Variants in GUCY1A2 observed in about 807,000 individuals in gnomAD.
GUCY1A2 encodes the protein guanylate cyclase 1 soluble subunit alpha 2, also known as guanylate cyclase soluble subunit alpha-2.
Under a neutral mutation model 63.5 loss-of-function variants are expected in GUCY1A2, and 27 were observed. The ratio of observed to expected loss-of-function variants is 0.43; its 90% CI spans 0.31 to 0.59. GUCY1A2 has a LOEUF of 0.59. Ranked by LOEUF, GUCY1A2 falls within the 20% of genes least tolerant of loss-of-function variation. The pLI, the probability that GUCY1A2 is intolerant of heterozygous loss-of-function variation, is 0.11. For missense variants in GUCY1A2, 768 were observed against 913.3 expected, an observed-to-expected ratio of 0.84 and a Z score of 2.05; for synonymous variants, 364 against 343.5, an observed-to-expected ratio of 1.06 and a Z score of -0.66.
At chr11:106,743,830 A>G (rs1371810640) in intron 6 of GUCY1A2, among the ~76,000 whole-genome samples, 1 of 152,208 alleles carries the variant, frequency 6.6e-6, no homozygotes, top group Non-Finnish European at 1.5e-5. Context: ...TTTTATGTAT[A>G]AAGTGGCACT....
At chr11:106,861,016 T>A (rs1859504388) in intron 4 of GUCY1A2, among the ~76,000 whole-genome samples, 1 of 151,878 alleles carries the variant, frequency 6.6e-6, no homozygotes, top group Non-Finnish European at 1.5e-5. Context: ...AGAAGATTAT[T>A]TGCTTATGAA....
In GUCY1A2 at chr11:106,676,005, T is replaced by C. The variant is rs774612342; in HGVS notation, c.*11544A>G. ...CCAAAATTCAAGGGTATTTAACTCA[T>C]TGAAGCATATCTTTCCACAGAGGAA... is the stretch of plus-strand genomic sequence containing the variant. On this transcript the variant is annotated 3_prime_UTR_variant, in exon 8 of 8. Transcript: ENST00000526355. The C allele has an allele frequency of 1.2e-4, 23 of 189,364 alleles. No homozygotes were observed. The highest frequency in any genetic ancestry group is 9.8e-4 in the South Asian group (5 of 5,128). The allele number at this position is 189,364 out of a possible 1,614,324, so 11.7% of individuals were successfully genotyped here.
intron 4 of GUCY1A2, among the ~76,000 whole-genome samples, chr11:106,834,092 T>C (rs1258591857): frequency 6.6e-6 from 1 of 151,996 alleles, no homozygotes; most frequent in African/African-American, 2.4e-5. Context: ...AGATCTACTT[T>C]CTTAGCCTAT....
intron 4 of GUCY1A2, among the ~76,000 whole-genome samples, chr11:106,847,972 A>T (rs888320092): frequency 2.0e-5 from 3 of 151,640 alleles, no homozygotes; most frequent in African/African-American, 4.8e-5. Flanking sequence ...CTGCAATAAG[A>T]GTGCAAAACA....
In GUCY1A2 at chr11:106,764,869, T is replaced by C. The variant is rs548967585; in HGVS notation, c.1836+11570A>G. ...TCTGGATTCAAATTTAGTTCTGCAA[T>C]TGGCTAGCTACATAACCTTGATCAA... is the stretch of plus-strand genomic sequence containing the variant. On this transcript the variant is annotated intron_variant, in intron 6 of 7. Transcript: ENST00000526355. Among the ~76,000 whole-genome samples, 33 of 151,648 alleles carry C rather than the reference T, an allele frequency of 2.2e-4. 1 individual carries two copies. Among genetic ancestry groups the C allele is most frequent in the South Asian group, 6.3e-4 (3 of 4,796 alleles).
At chr11:106,850,750 C>T (rs925338008) in intron 4 of GUCY1A2, among the ~76,000 whole-genome samples, 7 of 151,822 alleles carry the variant, frequency 4.6e-5, no homozygotes, top group African/African-American at 1.7e-4. Flanking sequence ...CATTGATTGA[C>T]ATTTAGGTTG....
chr11:106,687,772 A>G lies in GUCY1A2; in HGVS notation c.1992-16T>C, dbSNP rs1429021476. On this transcript the variant is annotated splice_polypyrimidine_tract_variant and intron_variant, in intron 7 of 7. Transcript: ENST00000526355. ...TTTTAATAATCTAAGAAGAAAATAC[A>G]GAGCACATGAATCAAGTAGGCCAGG... The G allele has an allele frequency of 6.5e-7, 1 of 1,535,968 alleles. No individual in the cohort carries two copies. Among genetic ancestry groups the G allele is most frequent in the Admixed American group, 1.7e-5 (1 of 59,868 alleles).
At chr11:106,938,917 T>C (rs1440317479) in intron 4 of GUCY1A2, among the ~76,000 whole-genome samples, 4 of 152,214 alleles carry the variant, frequency 2.6e-5, no homozygotes, top group Non-Finnish European at 4.4e-5. Flanking sequence ...ATCTCTATTT[T>C]AATACTAAAA....
chr11:106,707,497 C>G lies in GUCY1A2; in HGVS notation c.1991+1015G>C, dbSNP rs372030431. ...CTAAAACATGAAATTAATTAAGCAG[C>G]TGTACAGTAATGCCCAGAATAAAGC... On this transcript the variant is annotated intron_variant, in intron 7 of 7. Coordinates refer to ENST00000526355, the MANE Select transcript of GUCY1A2 (RefSeq NM_000855.3). Among the ~76,000 whole-genome samples, 7 of 152,122 alleles carry G rather than the reference C, an allele frequency of 4.6e-5. No homozygotes were observed. The South Asian group carries it at 6.2e-4, about 14-fold the overall frequency.
At chr11:106,935,626 G>A (rs1860665390) in intron 4 of GUCY1A2, among the ~76,000 whole-genome samples, 1 of 152,090 alleles carries the variant, frequency 6.6e-6, no homozygotes, top group African/African-American at 2.4e-5. Context: ...GATCACCTGA[G>A]GTCAGGAGTT....
At chr11:106,995,023 T>C (rs531878062) in intron 1 of GUCY1A2, among the ~76,000 whole-genome samples, 4 of 152,324 alleles carry the variant, frequency 2.6e-5, no homozygotes, top group African/African-American at 9.6e-5. Context: ...TAAGACAAGA[T>C]GGCACTGCTC....
chr11:106,808,417 C>A (rs1428916920), intron 5 of GUCY1A2, among the ~76,000 whole-genome samples: 2 of 151,888 alleles, frequency 1.3e-5, no homozygotes, highest in South Asian at 4.2e-4. Flanking sequence ...GTGAGATGTC[C>A]TAACTCACAA....
chr11:106,718,792 T>A (rs1158692902), intron 6 of GUCY1A2, among the ~76,000 whole-genome samples: 1 of 152,122 alleles, frequency 6.6e-6, no homozygotes, highest in East Asian at 1.9e-4. Flanking sequence ...AACAACATAG[T>A]GACATACTTG....
At chr11:106,741,950 G>A (rs1229610985) in intron 6 of GUCY1A2, among the ~76,000 whole-genome samples, 1 of 152,138 alleles carries the variant, frequency 6.6e-6, no homozygotes, top group Non-Finnish European at 1.5e-5. Context: ...ACTGAATGAA[G>A]TTATGACATT....
intron 1 of GUCY1A2, among the ~76,000 whole-genome samples, chr11:106,989,794 G>A (rs887938496): frequency 8.5e-5 from 13 of 152,244 alleles, no homozygotes; most frequent in African/African-American, 2.9e-4. Flanking sequence ...GAGAGACAGT[G>A]ATACAAGCAG....
chr11:106,739,766 A>C (rs1331839737), intron 6 of GUCY1A2, among the ~76,000 whole-genome samples: 1 of 152,140 alleles, frequency 6.6e-6, no homozygotes, highest in African/African-American at 2.4e-5. Context: ...CAGATACTTT[A>C]TGGTGAACCA....
chr11:106,997,148 AAATT>A (rs1359261294), intron 1 of GUCY1A2, among the ~76,000 whole-genome samples: 7 of 152,214 alleles, frequency 4.6e-5, no homozygotes, highest in African/African-American at 1.4e-4. Context: ...TCCTTCTAAT[AAATT>A]ATTTATGCCA....
At chr11:106,888,484 A>T (rs1328806184) in intron 4 of GUCY1A2, among the ~76,000 whole-genome samples, 1 of 152,040 alleles carries the variant, frequency 6.6e-6, no homozygotes, top group African/African-American at 2.4e-5. Context: ...AGAAAAAAAA[A>T]TGATTTTGAA....
intron 6 of GUCY1A2, among the ~76,000 whole-genome samples, chr11:106,774,945 T>A (rs11602711): frequency 1.3e-5 from 2 of 152,178 alleles, no homozygotes; most frequent in African/African-American, 4.8e-5. Flanking sequence ...TTTTTATTTC[T>A]TATAGTTACG....
Sources: gnomAD v4.1 joint callset for allele counts (sites outside exome capture counted in the v4.1 genomes callset) on GRCh38, gnomAD v4.1.1 for gene constraint, MANE v1.5 for transcripts, NCBI Gene and HGNC (gene_info 2026-07-23, HGNC 2026-07-21) for gene names.